Variants in MYO9A observed in about 807,000 individuals in gnomAD.
The protein encoded by MYO9A is myosin IXA.
A neutral mutation model predicts 293.3 loss-of-function variants in MYO9A; 103 were observed. That is an observed-to-expected ratio of 0.35 (90% CI 0.30 to 0.41). The LOEUF (loss-of-function observed/expected upper bound fraction) is 0.41. Ranked by LOEUF, MYO9A falls within the 10% of genes least tolerant of loss-of-function variation. MYO9A has a pLI of 1.00. For synonymous variants in MYO9A, 1,001 were observed against 1,035.7 expected (o/e 0.97, Z 0.64); for missense variants, 2,685 against 3,033.0 (o/e 0.89, Z 2.69).
chr15:72,063,834 C>T (rs142101408), intron 1 of MYO9A, among the ~76,000 whole-genome samples: 130 of 152,266 alleles, frequency 8.5e-4, no homozygotes, highest in Admixed American at 1.7e-3. Context: ...ATCAGTATAT[C>T]AAAGTGGTAT....
chr15:72,088,494 T>C (rs1174148432), intron 1 of MYO9A, among the ~76,000 whole-genome samples: 1 of 152,216 alleles, frequency 6.6e-6, no homozygotes, highest in Non-Finnish European at 1.5e-5. Context: ...TTTACCATTG[T>C]CAGAGGTCTA....
At chr15:71,993,502 T>C (rs1371196102) in intron 10 of MYO9A, among the ~76,000 whole-genome samples, 1 of 152,130 alleles carries the variant, frequency 6.6e-6, no homozygotes, top group Non-Finnish European at 1.5e-5. Context: ...TTATCTATCA[T>C]TAAAAATAAT....
chr15:71,874,286 T>G (rs1390280354), intron 32 of MYO9A, among the ~76,000 whole-genome samples: 2 of 152,164 alleles, frequency 1.3e-5, no homozygotes, highest in Non-Finnish European at 2.9e-5. Context: ...ATTCTACAAT[T>G]AGAATTTGCA....
intron 1 of MYO9A, among the ~76,000 whole-genome samples, chr15:72,116,112 A>G (rs2080965170): frequency 6.6e-6 from 1 of 152,242 alleles, no homozygotes; most frequent in African/African-American, 2.4e-5. Flanking sequence ...AATATCACAG[A>G]AAGGATACAC....
chr15:71,994,728 C>A, intron 9 of MYO9A, 143 bp from the exon 10 acceptor site: 1 of 554,234 alleles, frequency 1.8e-6, no homozygotes, highest in Non-Finnish European at 3.1e-6. Flanking sequence ...AAATCTATAA[C>A]TAAAGTTTTT....
At position 72,046,084 on chromosome 15, in the gene MYO9A, T is replaced by C. The variant is rs1194735806; in HGVS notation, c.480A>G (p.Lys160=). The change falls in exon 2 of 42, where the codon AAA becomes AAG. Residue 160 remains lysine, a synonymous_variant. Transcript: ENST00000356056. The part of the protein sequence containing the change: ...DLCSLPDLNE[K]TLLENLRNRF... Reference sequence around the variant, plus strand: ...GATTTCGTAGGTTTTCTAAGAGAGTTTTCTCATTCAAATCAGGTAAACTAC... The same window carrying C: ...GATTTCGTAGGTTTTCTAAGAGAGTCTTCTCATTCAAATCAGGTAAACTAC... The C allele has an allele frequency of 6.2e-7, 1 of 1,613,820 alleles. No individual in the cohort carries two copies. Among genetic ancestry groups the C allele is most frequent in the Non-Finnish European group, 8.5e-7 (1 of 1,179,948 alleles).
chr15:72,000,002 T>C, intron 8 of MYO9A, 62 bp from the exon 9 acceptor site: 2 of 1,371,408 alleles, frequency 1.5e-6, no homozygotes, highest in Non-Finnish European at 2.0e-6. Context: ...AATTATCTTT[T>C]GAAAAAGCCA....
intron 32 of MYO9A, among the ~76,000 whole-genome samples, chr15:71,866,298 A>T (rs2056322004): frequency 6.6e-6 from 1 of 152,326 alleles, no homozygotes; most frequent in East Asian, 1.9e-4. Flanking sequence ...TTTATAAATG[A>T]TCTAGTACAA....
chr15:71,911,083 C>T lies in MYO9A; in HGVS notation c.2685+5287G>A, dbSNP rs543769152. On this transcript the variant is annotated intron_variant, in intron 19 of 41. Coordinates refer to ENST00000356056, the MANE Select transcript of MYO9A (RefSeq NM_006901.4). ...CTCCTGCCCATCTGCAGTCAATAAC[C>T]ACTTGAGAAGCAGCCCCAGGCAACT... Among the ~76,000 whole-genome samples the T allele has an allele frequency of 3.9e-5, 6 of 152,290 alleles. No individual in the cohort carries two copies. The South Asian group carries it at 6.2e-4, about 16-fold the overall frequency.
intron 13 of MYO9A, 117 bp downstream of exon 13, chr15:71,967,867 A>G (rs978836836): frequency 6.8e-5 from 66 of 967,708 alleles, no homozygotes; most frequent in African/African-American, 9.9e-5. Flanking sequence ...TCTTTATACA[A>G]TATCTCCAGT....
chr15:71,827,806 ACTTTGT>A lies in MYO9A; in HGVS notation c.7183+72_7183+77del. On this transcript the variant is annotated intron_variant, in intron 41 of 41. Transcript: ENST00000356056. ...TGTACAGTCAGTAAATTCTTAAAAGACTTTGTCTTAGTTTTGGAATCTTTATTCCTC... is the reference window on the plus strand; with the variant it reads ...TGTACAGTCAGTAAATTCTTAAAAGACTTAGTTTTGGAATCTTTATTCCTC... 2.1e-6 allele frequency: 3 copies of A among 1,455,422 alleles called. No individual in the cohort carries two copies. The South Asian group carries it at 4.1e-5, about 20-fold the overall frequency. 90.2% of individuals were successfully genotyped at this position (1,455,422 alleles called of 1,614,324 possible).
At chr15:72,103,166 A>G (rs1349146644) in intron 1 of MYO9A, among the ~76,000 whole-genome samples, 1 of 149,256 alleles carries the variant, frequency 6.7e-6, no homozygotes, top group Non-Finnish European at 1.5e-5. Context: ...ACTGCACTCC[A>G]GCCTGGGTGG....
Position 71,826,072 on chromosome 15 carries a change from A to AAAT in MYO9A, c.*505_*507dup, listed in dbSNP as rs1209559937. ...ATGGAGTGTTTTTTCAGAAATCTTA[A>AAAT]AATAGAGGGATTAGGCTTTTTGTTT... On this transcript the variant is annotated 3_prime_UTR_variant, in exon 42 of 42. Coordinates refer to ENST00000356056, the MANE Select transcript of MYO9A (RefSeq NM_006901.4). 3 of 144,970 alleles carry AAAT rather than the reference A, an allele frequency of 2.1e-5. No homozygotes were observed. The highest frequency in any genetic ancestry group is 2.2e-4 in the East Asian group (1 of 4,642). 9.0% of individuals were successfully genotyped at this position (144,970 alleles called of 1,614,324 possible).
intron 14 of MYO9A, among the ~76,000 whole-genome samples, chr15:71,957,348 T>C (rs2146874810): frequency 6.6e-6 from 1 of 152,302 alleles, no homozygotes; most frequent in Non-Finnish European, 1.5e-5. Flanking sequence ...TGACAATTTT[T>C]GCCAATTTTC....
intron 7 of MYO9A, among the ~76,000 whole-genome samples, 172 bp from the exon 8 acceptor site, chr15:72,008,124 G>A (rs576008940): frequency 6.6e-6 from 1 of 152,220 alleles, no homozygotes; most frequent in South Asian, 2.1e-4. Flanking sequence ...TTATATGTCA[G>A]GTACTGTTCA....
At chr15:71,891,824 A>G (rs931109983) in intron 26 of MYO9A, 1 of 152,222 alleles carries the variant, frequency 6.6e-6, no homozygotes, top group Admixed American at 6.5e-5. Flanking sequence ...AAAAGATAAA[A>G]GACAACGAGA....
chr15:72,046,464 T>A lies in MYO9A; in HGVS notation c.100A>T (p.Ile34Phe). Residue 34 changes from isoleucine to phenylalanine, a missense_variant, in exon 2 of 42, where the codon ATT becomes TTT. Physicochemically the swap from Ile to Phe is conservative, Grantham distance 21 (BLOSUM62 0). Transcript: ENST00000356056. The stretch of plus-strand genomic sequence containing the variant: ...GCTGTGGAGTTTTTTCTGGCAGGAA[T>A]CGGACAGTAGATTGTCCCTTCTGAA... ...AISEGTIYCP[I>F]PARKNSTAAE... 1 of 1,614,198 alleles carries A rather than the reference T, an allele frequency of 6.2e-7. No homozygotes were observed. Among genetic ancestry groups the A allele is most frequent in the Non-Finnish European group, 8.5e-7 (1 of 1,180,040 alleles).
chr15:71,941,184 C>T (rs1003155069), intron 15 of MYO9A, among the ~76,000 whole-genome samples: 6 of 152,122 alleles, frequency 3.9e-5, no homozygotes, highest in African/African-American at 1.4e-4. Context: ...ACCTGTAATC[C>T]TAGCACTTTA....
At chr15:71,853,165 A>G (rs1476222152) in intron 35 of MYO9A, among the ~76,000 whole-genome samples, 2 of 152,248 alleles carry the variant, frequency 1.3e-5, no homozygotes, top group Non-Finnish European at 2.9e-5. Flanking sequence ...ACGTCTCTAC[A>G]TGCTTGCTCT....
Sources: allele counts gnomAD v4.1 joint callset (sites outside exome capture counted in the v4.1 genomes callset), GRCh38; gene constraint gnomAD v4.1.1; transcripts MANE v1.5; gene names NCBI Gene and HGNC (gene_info 2026-07-23, HGNC 2026-07-21).